The following PALM2AKAP2 variants were observed in gnomAD, a reference collection of about 807,000 sequenced individuals.
The protein encoded by PALM2AKAP2 is PALM2 and AKAP2 fusion.
Under a neutral mutation model 71.5 loss-of-function variants are expected in PALM2AKAP2, and 37 were observed. The observed-to-expected ratio is 0.52, with a 90% CI of 0.40 to 0.68. The LOEUF (loss-of-function observed/expected upper bound fraction) is 0.68, where lower values mean the gene tolerates loss of function less well. PALM2AKAP2 is among the 30% of genes least tolerant of loss of function. PALM2AKAP2 has a pLI of 0.00. For missense variants in PALM2AKAP2, 1,224 were observed against 1,191.8 expected (o/e 1.03, Z -0.40); for synonymous variants, 468 against 478.8 (o/e 0.98, Z 0.29).
intron 1 of PALM2AKAP2, among the ~76,000 whole-genome samples, chr9:110,094,924 T>C (rs568908937): frequency 6.6e-6 from 1 of 152,368 alleles, no homozygotes; most frequent in East Asian, 1.9e-4. Context: ...CCTAAGTTAT[T>C]GTCCAATTTT....
At chr9:109,702,551 A>T (rs568928017) in intron 1 of PALM2AKAP2, among the ~76,000 whole-genome samples, 1 of 139,712 alleles carries the variant, frequency 7.2e-6, no homozygotes, top group East Asian at 2.5e-4. Context: ...ATGAGAACAC[A>T]TGGACACAGG....
intron 1 of PALM2AKAP2, among the ~76,000 whole-genome samples, chr9:109,646,560 G>A (rs1277104341): frequency 6.6e-6 from 1 of 152,164 alleles, no homozygotes; most frequent in Non-Finnish European, 1.5e-5. Context: ...TTCTGCAAAT[G>A]AATAAATCTA....
At chr9:109,645,716 A>G (rs944310071) in intron 1 of PALM2AKAP2, among the ~76,000 whole-genome samples, 1 of 152,152 alleles carries the variant, frequency 6.6e-6, no homozygotes, top group Non-Finnish European at 1.5e-5. Context: ...ACACATGGAC[A>G]TAAAGATGAA....
At chr9:109,924,297 G>A (rs1181867437) in intron 4 of PALM2AKAP2, among the ~76,000 whole-genome samples, 2 of 152,136 alleles carry the variant, frequency 1.3e-5, no homozygotes, top group African/African-American at 2.4e-5. Flanking sequence ...TACAAAGAGT[G>A]TAAATACATG....
chr9:109,738,599 G>A (rs1828673398), intron 1 of PALM2AKAP2, among the ~76,000 whole-genome samples: 1 of 152,126 alleles, frequency 6.6e-6, no homozygotes, highest in African/African-American at 2.4e-5. Flanking sequence ...AAAGCATTAG[G>A]ATCTGAATCA....
At chr9:109,961,360 T>C (rs974062247) in intron 6 of PALM2AKAP2, among the ~76,000 whole-genome samples, 2 of 152,188 alleles carry the variant, frequency 1.3e-5, no homozygotes, top group African/African-American at 2.4e-5. Context: ...TTTTCTCCAG[T>C]GAAGTTTAGC....
Position 109,899,382 on chromosome 9 carries a change from C to T in PALM2AKAP2, c.257+18701C>T, listed in dbSNP as rs192964773. ...TGATTCCTTCTACACTTTTTCTTTC[C>T]CACTTCCATGACAGTAGTCCAGGCC... is the stretch of plus-strand genomic sequence containing the variant. On this transcript the variant is annotated intron_variant, in intron 3 of 9. Transcript: ENST00000302798. Among the ~76,000 whole-genome samples, 89 of 152,102 alleles carry T rather than the reference C, an allele frequency of 5.9e-4. 1 individual carries two copies. Among genetic ancestry groups the T allele is most frequent in the African/African-American group, 2.1e-3 (86 of 41,476 alleles).
At chr9:109,961,103 T>TA in intron 6 of PALM2AKAP2, among the ~76,000 whole-genome samples, 1 of 152,346 alleles carries the variant, frequency 6.6e-6, no homozygotes, top group East Asian at 1.9e-4. Context: ...ATGGTGCTCT[T>TA]GGAGTTGTTC....
intron 1 of PALM2AKAP2, among the ~76,000 whole-genome samples, chr9:109,739,952 C>A (rs929908437): frequency 6.6e-6 from 1 of 152,192 alleles, no homozygotes; most frequent in Non-Finnish European, 1.5e-5. Context: ...AAGCTGGCCA[C>A]GTAGGCCTTT....
chr9:109,726,203 C>A (rs1471301805), intron 1 of PALM2AKAP2, among the ~76,000 whole-genome samples: 3 of 152,170 alleles, frequency 2.0e-5, no homozygotes, highest in South Asian at 4.1e-4. Flanking sequence ...AGACATATGA[C>A]CTGGGCTCAG....
At chr9:109,990,635 G>T (rs181579816) in intron 6 of PALM2AKAP2, among the ~76,000 whole-genome samples, 1 of 152,280 alleles carries the variant, frequency 6.6e-6, no homozygotes, top group African/African-American at 2.4e-5. Context: ...TCAACTCTCT[G>T]TCAAAGTAAA....
At chr9:109,835,502 C>T (rs1422811867) in intron 1 of PALM2AKAP2, among the ~76,000 whole-genome samples, 1 of 152,038 alleles carries the variant, frequency 6.6e-6, no homozygotes, top group Non-Finnish European at 1.5e-5. Context: ...GTACTGGGTT[C>T]ATCTCATTGG....
intron 1 of PALM2AKAP2, among the ~76,000 whole-genome samples, chr9:109,742,283 ACACACACACACACACAC>A (rs1828727952): frequency 1.4e-5 from 2 of 147,956 alleles, no homozygotes; most frequent in African/African-American, 5.2e-5. Context: ...ACACACACAC[ACACACACACACACACAC>A]ACTCTCACAG....
At chr9:109,881,113 C>T (rs1189249826) in intron 3 of PALM2AKAP2, among the ~76,000 whole-genome samples, 2 of 152,142 alleles carry the variant, frequency 1.3e-5, no homozygotes, top group Non-Finnish European at 2.9e-5. Context: ...TTAGTTCTCA[C>T]TTATAAATGA....
At chr9:110,033,476 A>G (rs1833322914) in intron 7 of PALM2AKAP2, among the ~76,000 whole-genome samples, 1 of 152,064 alleles carries the variant, frequency 6.6e-6, no homozygotes, top group South Asian at 2.1e-4. Flanking sequence ...TAAACACTTT[A>G]CCTGCATTTC....
chr9:109,927,914 C>G (rs998618728), intron 5 of PALM2AKAP2, among the ~76,000 whole-genome samples: 1 of 152,180 alleles, frequency 6.6e-6, no homozygotes. Context: ...ATGCAAAACT[C>G]TTGCCAGAAC....
intron 6 of PALM2AKAP2, among the ~76,000 whole-genome samples, chr9:110,015,001 ATCTTT>A (rs1832954387): frequency 1.3e-5 from 2 of 151,480 alleles, no homozygotes; most frequent in Non-Finnish European, 2.9e-5. Context: ...CTGGCCCCTG[ATCTTT>A]TCTTTGATAT....
chr9:109,682,912 G>A (rs540964878), intron 1 of PALM2AKAP2, among the ~76,000 whole-genome samples: 5 of 152,106 alleles, frequency 3.3e-5, no homozygotes, highest in African/African-American at 9.7e-5. Context: ...AAGAGTCTTC[G>A]CAGAGGTAAT....
At chr9:109,692,083 A>C (rs117541183) in intron 1 of PALM2AKAP2, among the ~76,000 whole-genome samples, 4,286 of 150,300 alleles carry the variant, frequency 0.029, 153 homozygotes, top group East Asian at 0.17. Flanking sequence ...AAATTTTTAA[A>C]AAATTTTTAA....
Sources: gnomAD v4.1 joint callset for allele counts (sites outside exome capture counted in the v4.1 genomes callset) on GRCh38, gnomAD v4.1.1 for gene constraint, MANE v1.5 for transcripts, NCBI Gene and HGNC (gene_info 2026-07-23, HGNC 2026-07-21) for gene names.